PCNA: variants seen among roughly 807,000 people sequenced by gnomAD.
PCNA encodes DNA sliding clamp PCNA.
Under a neutral mutation model 27.8 loss-of-function variants are expected in PCNA, and 4 were observed. The observed-to-expected ratio is 0.14, with a 90% CI of 0.07 to 0.33. PCNA has a LOEUF of 0.33. PCNA is among the 10% of genes least tolerant of loss of function. The pLI, the probability that PCNA is intolerant of heterozygous loss-of-function variation, is 1.00. For synonymous variants in PCNA, 121 were observed against 119.4 expected (o/e 1.01, Z -0.09); for missense variants, 165 against 327.4 (o/e 0.50, Z 3.83).
chr20:5,119,884 G>C lies in PCNA; in HGVS notation c.-86C>G, dbSNP rs1216027026. 9.4e-7 allele frequency: 1 copy of C among 1,059,130 alleles called. No homozygotes were observed. The highest frequency in any genetic ancestry group is 1.6e-5 in the African/African-American group (1 of 63,550). 65.6% of individuals were successfully genotyped at this position (1,059,130 alleles called of 1,614,324 possible). A position where few individuals can be genotyped will look rare whatever the true frequency, so the allele number is the denominator to read the frequency against. On this transcript the variant is annotated 5_prime_UTR_variant, in exon 1 of 6. Coordinates refer to ENST00000379143, the MANE Select transcript of PCNA (RefSeq NM_182649.2). The stretch of plus-strand genomic sequence containing the variant: ...TTCGGCTTCAGGAGCCTCAGAGCGA[G>C]CGGGCGAACGTCGCGACGACCGGCT...
intron 4 of PCNA, among the ~76,000 whole-genome samples, chr20:5,116,747 G>T (rs967595753): frequency 6.6e-6 from 1 of 152,124 alleles, no homozygotes; most frequent in East Asian, 1.9e-4. Context: ...CCGCCTCCTC[G>T]GTTCAAGTCA....
In PCNA at chr20:5,119,957, A is replaced by T. The variant is rs377182993; in HGVS notation, c.-159T>A. On this transcript the variant is annotated 5_prime_UTR_variant, in exon 1 of 6. Transcript: ENST00000379143. ...ACTCTGCTACGCCTGCAACCGTTTAATGCCGCCGCGTCCGCAAGCGCGCGC... is the reference window on the plus strand; with the variant it reads ...ACTCTGCTACGCCTGCAACCGTTTATTGCCGCCGCGTCCGCAAGCGCGCGC... 20 of 625,774 alleles carry T rather than the reference A, an allele frequency of 3.2e-5. No individual in the cohort carries two copies. Among genetic ancestry groups the T allele is most frequent in the Non-Finnish European group, 5.6e-5 (20 of 357,828 alleles). 38.8% of individuals were successfully genotyped at this position (625,774 alleles called of 1,614,324 possible). A position where few individuals can be genotyped will look rare whatever the true frequency, so the allele number is the denominator to read the frequency against.
intron 3 of PCNA, 48 bp from the exon 4 acceptor site, chr20:5,117,712 G>T: frequency 8.4e-7 from 1 of 1,192,020 alleles, no homozygotes; most frequent in Non-Finnish European, 1.2e-6. Context: ...GAAATTTAAT[G>T]ATTTGGCACC....
rs750397491 is a variant in PCNA, at chr20:5,117,694, A to G, written c.388-30T>C. 45 of 1,396,112 alleles carry G rather than the reference A, an allele frequency of 3.2e-5. No individual in the cohort carries two copies. In the South Asian group the frequency reaches 3.8e-4, roughly 12 times the overall value. The allele number at this position is 1,396,112 out of a possible 1,614,324, so 86.5% of individuals were successfully genotyped here. A position where few individuals can be genotyped will look rare whatever the true frequency, so the allele number is the denominator to read the frequency against. ...TAAGAACAAAAATTTTCCAAAAGTT[A>G]ATTGTTAGAAATTTAATGATTTGGC... On this transcript the variant is annotated intron_variant, in intron 3 of 5. Transcript: ENST00000379143.
At chr20:5,120,541 A>G (rs1004091208), upstream of PCNA, among the ~76,000 whole-genome samples, 2 of 143,802 alleles carry the variant, frequency 1.4e-5, no homozygotes, top group South Asian at 4.2e-4. Context: ...TAAAAGTTCG[A>G]ATACACTTTT....
Position 5,119,801 on chromosome 20 carries a change from T to C in PCNA, c.-3A>G. ...TGGACCAGGCGCGCCTCGAACATGG[T>C]GGCGGAGTGGCAACAACGCCGCTAC... On this transcript the variant is annotated 5_prime_UTR_variant, in exon 1 of 6. Transcript: ENST00000379143. The C allele has an allele frequency of 6.4e-7, 1 of 1,559,056 alleles. No homozygotes were observed. Among genetic ancestry groups the C allele is most frequent in the Non-Finnish European group, 8.7e-7 (1 of 1,151,368 alleles).
intron 4 of PCNA, among the ~76,000 whole-genome samples, chr20:5,116,855 GTTCT>G (rs1241957021): frequency 4.6e-5 from 7 of 152,150 alleles, no homozygotes; most frequent in Admixed American, 6.5e-5. Context: ...GTTTTGCCAT[GTTCT>G]TTCTATTTTG....
chr20:5,118,084 A>C (rs2090488361), intron 3 of PCNA, among the ~76,000 whole-genome samples: 1 of 152,250 alleles, frequency 6.6e-6, no homozygotes, highest in Admixed American at 6.5e-5. Flanking sequence ...ATAAAAAGCA[A>C]GCATTCTAGA....
upstream of PCNA, among the ~76,000 whole-genome samples, chr20:5,123,088 T>C (rs2090526678): frequency 6.6e-6 from 1 of 152,168 alleles, no homozygotes; most frequent in Non-Finnish European, 1.5e-5. Flanking sequence ...GCTGAGAGAA[T>C]AGCATGATTA....
In PCNA at chr20:5,119,822, G is replaced by A. The variant is rs1315686316; in HGVS notation, c.-24C>T. On this transcript the variant is annotated 5_prime_UTR_variant, in exon 1 of 6. Transcript: ENST00000379143. ...ATGGTGGCGGAGTGGCAACAACGCC[G>A]CTACAGGCAGGCGGGAAGGAGGAAA... is the stretch of plus-strand genomic sequence containing the variant. 1 of 1,522,770 alleles carries A rather than the reference G, an allele frequency of 6.6e-7. No individual in the cohort carries two copies. The highest frequency in any genetic ancestry group is 8.9e-7 in the Non-Finnish European group (1 of 1,121,512). The allele number at this position is 1,522,770 out of a possible 1,614,324, so 94.3% of individuals were successfully genotyped here. A position where few individuals can be genotyped will look rare whatever the true frequency, so the allele number is the denominator to read the frequency against.
intron 1 of PCNA, among the ~76,000 whole-genome samples, chr20:5,119,368 CTT>C (rs2090499416): frequency 6.6e-6 from 1 of 152,370 alleles, no homozygotes; most frequent in South Asian, 2.1e-4. Context: ...CGCTTTGTGA[CTT>C]TGGCGCGAAA....
At chr20:5,121,413 GT>G, upstream of PCNA, 1 of 88,508 alleles carries the variant, frequency 1.1e-5, no homozygotes, top group Admixed American at 1.5e-4. Context: ...TTTTTTCCTA[GT>G]TCAGCTGTGA....
In PCNA at chr20:5,118,914, G is replaced by C. The variant is rs755434993; in HGVS notation, c.222-48C>G. On this transcript the variant is annotated intron_variant, in intron 1 of 5. Coordinates refer to ENST00000379143, the MANE Select transcript of PCNA (RefSeq NM_182649.2). ...TTTAAAATCAACGCCGTCTGCTGAA[G>C]GGCTGTATTTCGAACGCGGTTAGAA... 3 of 1,345,940 alleles carry C rather than the reference G, an allele frequency of 2.2e-6. No homozygotes were observed. The Admixed American group carries it at 5.2e-5, about 23-fold the overall frequency. The allele number at this position is 1,345,940 out of a possible 1,614,324, so 83.4% of individuals were successfully genotyped here.
At chr20:5,126,127 C>T (rs994369707) in intron 1 of PCNA, among the ~76,000 whole-genome samples, 2 of 152,026 alleles carry the variant, frequency 1.3e-5, no homozygotes, top group African/African-American at 4.8e-5. Context: ...TGTTTGCGCC[C>T]GGGAGGCAGA....
intron 1 of PCNA, among the ~76,000 whole-genome samples, chr20:5,125,152 A>G (rs772342279): frequency 5.3e-5 from 8 of 152,200 alleles, no homozygotes; most frequent in Middle Eastern, 3.2e-3. Flanking sequence ...CAGCCTAAGC[A>G]ATAAAGTGAG....
At chr20:5,118,457 A>G (rs1331736408) in intron 3 of PCNA, among the ~76,000 whole-genome samples, 153 bp downstream of exon 3, 2 of 152,132 alleles carry the variant, frequency 1.3e-5, no homozygotes, top group African/African-American at 4.8e-5. Flanking sequence ...GCTTGAGCCC[A>G]GGAATCCCAG....
upstream of PCNA, among the ~76,000 whole-genome samples, chr20:5,124,282 C>T (rs957996799): frequency 2.0e-5 from 3 of 152,142 alleles, no homozygotes; most frequent in African/African-American, 7.2e-5. Flanking sequence ...GAAATTCGAT[C>T]TCTAGGGTTT....
chr20:5,115,426 A>C (rs765873682), intron 5 of PCNA, 23 bp downstream of exon 5: 34 of 1,613,842 alleles, frequency 2.1e-5, no homozygotes, highest in Non-Finnish European at 2.6e-5. Context: ...CCTACAAAAC[A>C]AGGTTCAAAT....
upstream of PCNA, among the ~76,000 whole-genome samples, chr20:5,124,944 G>A (rs1245258904): frequency 6.6e-6 from 1 of 152,180 alleles, no homozygotes; most frequent in Non-Finnish European, 1.5e-5. Context: ...GAGCAGCTGA[G>A]TTTCTAGAAG....
Sources: gnomAD v4.1 joint callset for allele counts (sites outside exome capture counted in the v4.1 genomes callset) on GRCh38, gnomAD v4.1.1 for gene constraint, MANE v1.5 for transcripts, NCBI Gene and HGNC (gene_info 2026-07-23, HGNC 2026-07-21) for gene names.